The following WDR59 variants were observed in gnomAD, a reference collection of about 807,000 sequenced individuals.
WDR59 encodes WD repeat domain 59, also known as GATOR2 complex protein WDR59.
WDR59 carries 100 observed loss-of-function variants against 131.2 expected under a neutral mutation model. That is an observed-to-expected ratio of 0.76 (90% confidence interval 0.65 to 0.90). WDR59 has a LOEUF of 0.90. Ranked by LOEUF, WDR59 falls within the 40% of genes least tolerant of loss-of-function variation. The pLI, the probability that WDR59 is intolerant of heterozygous loss-of-function variation, is 0.00. For synonymous variants in WDR59, 601 were observed against 466.2 expected (o/e 1.29, Z -3.72); for missense variants, 1,203 against 1,262.2 (o/e 0.95, Z 0.71).
chr16:74,911,982 A>G (rs961251206), intron 14 of WDR59: 3 of 581,794 alleles, frequency 5.2e-6, no homozygotes, highest in African/African-American at 1.9e-5. Flanking sequence ...TTAGAATTCA[A>G]AGGAAGTCTA....
At chr16:74,969,742 T>C (rs2145209646) in intron 1 of WDR59, among the ~76,000 whole-genome samples, 1 of 152,010 alleles carries the variant, frequency 6.6e-6, no homozygotes, top group South Asian at 2.1e-4. Context: ...CTCATTTTTG[T>C]ATTTTTAGGG....
intron 6 of WDR59, among the ~76,000 whole-genome samples, chr16:74,943,411 T>G (rs772963227): frequency 6.6e-6 from 1 of 152,084 alleles, no homozygotes; most frequent in Non-Finnish European, 1.5e-5. Context: ...ACCACACTGA[T>G]AAGGGAAAGG....
intron 14 of WDR59, among the ~76,000 whole-genome samples, chr16:74,910,314 T>G (rs535168400): frequency 3.3e-5 from 5 of 152,286 alleles, no homozygotes; most frequent in Admixed American, 6.5e-5. Context: ...AGGGTGATGC[T>G]GGGAGCCAGG....
chr16:74,878,844 T>C (rs940402018), intron 25 of WDR59, among the ~76,000 whole-genome samples: 19 of 152,368 alleles, frequency 1.2e-4, no homozygotes, highest in Admixed American at 5.2e-4. Context: ...CCATAGGATA[T>C]TGTTATCATA....
At chr16:74,894,846 C>G (rs1182050032) in intron 18 of WDR59, among the ~76,000 whole-genome samples, 1 of 152,112 alleles carries the variant, frequency 6.6e-6, no homozygotes, top group African/African-American at 2.4e-5. Context: ...CTCTGTTGTT[C>G]CAATCTCACA....
chr16:74,906,086 A>AGGCAGATCACGAGGTC (rs1348784146), intron 17 of WDR59, among the ~76,000 whole-genome samples: 1 of 151,832 alleles, frequency 6.6e-6, no homozygotes, highest in African/African-American at 2.4e-5. Flanking sequence ...AGGCCGAGGC[A>AGGCAGATCACGAGGTC]GGCAGATCAC....
At chr16:74,958,214 T>C (rs2033384296) in intron 2 of WDR59, among the ~76,000 whole-genome samples, 1 of 151,332 alleles carries the variant, frequency 6.6e-6, no homozygotes. Flanking sequence ...ATAATAAGAG[T>C]AAAGAAGACA....
At position 74,938,134 on chromosome 16, in the gene WDR59, C is replaced by T. The variant is rs1355111561; in HGVS notation, c.651+16G>A. 1.3e-6 allele frequency: 2 copies of T among 1,487,016 alleles called. No individual in the cohort carries two copies. The highest frequency in any genetic ancestry group is 1.4e-5 in the African/African-American group (1 of 69,972). 92.1% of individuals were successfully genotyped at this position (1,487,016 alleles called of 1,614,324 possible). ...CCAAACACTGCTCCTCCAACTTCCCCATGGGTGCCACTGACCTTCACAGAA... is the reference window on the plus strand; with the variant it reads ...CCAAACACTGCTCCTCCAACTTCCCTATGGGTGCCACTGACCTTCACAGAA... On this transcript the variant is annotated intron_variant, in intron 8 of 25. Coordinates refer to ENST00000262144, the MANE Select transcript of WDR59 (RefSeq NM_030581.4).
At chr16:74,947,230 C>T (rs568336726) in intron 6 of WDR59, among the ~76,000 whole-genome samples, 1 of 152,300 alleles carries the variant, frequency 6.6e-6, no homozygotes, top group Admixed American at 6.5e-5. Context: ...GGGTGGATCA[C>T]CTGAGGTCGG....
intron 7 of WDR59, among the ~76,000 whole-genome samples, chr16:74,941,030 A>T (rs2032178949): frequency 6.6e-6 from 1 of 151,880 alleles, no homozygotes; most frequent in Non-Finnish European, 1.5e-5. Context: ...TGACAAACTG[A>T]ATAAAACCAA....
chr16:74,931,700 C>T (rs2031403348), intron 8 of WDR59, among the ~76,000 whole-genome samples: 1 of 151,730 alleles, frequency 6.6e-6, no homozygotes, highest in East Asian at 1.9e-4. Flanking sequence ...ATGGGGAGAC[C>T]CATCTCTTAA....
At chr16:74,926,067 T>TTC (rs2030774246) in intron 8 of WDR59, among the ~76,000 whole-genome samples, 1 of 151,160 alleles carries the variant, frequency 6.6e-6, no homozygotes. Flanking sequence ...AAATTTTTTT[T>TTC]TTTTTTTTTG....
chr16:74,918,085 G>T, intron 10 of WDR59, 77 bp from the exon 11 acceptor site: 1 of 1,399,296 alleles, frequency 7.1e-7, no homozygotes, highest in Non-Finnish European at 1.0e-6. Flanking sequence ...AATGGAGTGA[G>T]ATTCATCCAT....
At chr16:74,912,160 C>A (rs1480759029) in intron 14 of WDR59, 38 bp downstream of exon 14, 1 of 1,613,660 alleles carries the variant, frequency 6.2e-7, no homozygotes, top group Non-Finnish European at 8.5e-7. Flanking sequence ...GACAATGATG[C>A]AGAACAGCAA....
Position 74,985,100 on chromosome 16 carries a change from CA to C in WDR59, c.-84del, listed in dbSNP as rs2034574631. ...GTATCCCGGGACCGTGCGCCCCACA[CA>C]GCCAGAGAATCAGCCCCGACACGCC... is the stretch of plus-strand genomic sequence containing the variant. On this transcript the variant is annotated 5_prime_UTR_variant, in exon 1 of 26. Transcript: ENST00000262144. 7.2e-7 allele frequency: 1 copy of C among 1,379,680 alleles called. No homozygotes were observed. The highest frequency in any genetic ancestry group is 2.0e-5 in the Admixed American group (1 of 50,552). The allele number at this position is 1,379,680 out of a possible 1,614,324, so 85.5% of individuals were successfully genotyped here.
Position 74,904,088 on chromosome 16 carries a change from G to C in WDR59, c.1725C>G (p.Ala575=), listed in dbSNP as rs897125211. Residue 575 remains alanine, a synonymous_variant, in exon 18 of 26, where the codon GCC becomes GCG. Coordinates refer to ENST00000262144, the MANE Select transcript of WDR59 (RefSeq NM_030581.4). ...TCAAGCCAGTGTGATAAGCAGACAA[G>C]GCTGAGAGAGATCTGTAGTTGAAAA... ...PTEPTPRSLS[A]LSAYHTGLIA... is the part of the protein sequence containing the mutation. 1.2e-6 allele frequency: 2 copies of C among 1,613,106 alleles called. No individual in the cohort carries two copies. Among genetic ancestry groups the C allele is most frequent in the African/African-American group, 2.7e-5 (2 of 74,932 alleles).
At chr16:74,925,582 T>A (rs892028837) in intron 8 of WDR59, among the ~76,000 whole-genome samples, 1 of 148,696 alleles carries the variant, frequency 6.7e-6, no homozygotes. Context: ...AAGACCAAAT[T>A]ATAGTGATGG....
At chr16:74,888,389 T>C (rs1964876753) in intron 21 of WDR59, 70 bp from the exon 22 acceptor site, 2 of 1,493,196 alleles carry the variant, frequency 1.3e-6, no homozygotes, top group Admixed American at 4.3e-5. Flanking sequence ...GTCACAGTCA[T>C]GGCGTGTTAC....
intron 20 of WDR59, among the ~76,000 whole-genome samples, chr16:74,891,129 A>AAG (rs1652321990): frequency 6.6e-6 from 1 of 152,016 alleles, no homozygotes; most frequent in African/African-American, 2.4e-5. Context: ...AAAAAAAAAA[A>AAG]AAAATCAAAT....
Sources: allele counts gnomAD v4.1 joint callset (sites outside exome capture counted in the v4.1 genomes callset), GRCh38; gene constraint gnomAD v4.1.1; transcripts MANE v1.5; gene names NCBI Gene and HGNC (gene_info 2026-07-23, HGNC 2026-07-21).